Variants in ABTB3 observed in about 807,000 individuals in gnomAD.
ABTB3 encodes the protein ankyrin repeat and BTB domain containing 3.
At chr12:107,588,049 C>A in the ABTB3 span, among the ~76,000 whole-genome samples, 32 of 152,310 alleles carry the variant, frequency 2.1e-4, no homozygotes, top group Admixed American at 1.3e-3. Flanking sequence ...TGGCTGCAGG[C>A]ATTCCTTGGC....
At chr12:107,417,170 A>G in the ABTB3 span, among the ~76,000 whole-genome samples, 1 of 152,236 alleles carries the variant, frequency 6.6e-6, no homozygotes, top group Non-Finnish European at 1.5e-5. Flanking sequence ...ATCCAAGCGT[A>G]GGTACACTCA....
the ABTB3 span, among the ~76,000 whole-genome samples, chr12:107,359,783 T>C: frequency 6.6e-6 from 1 of 152,144 alleles, no homozygotes; most frequent in African/African-American, 2.4e-5. Flanking sequence ...GGACTTTAAG[T>C]AACTTGCCCA....
At chr12:107,578,285 T>C in the ABTB3 span, among the ~76,000 whole-genome samples, 357 of 151,170 alleles carry the variant, frequency 2.4e-3, 3 homozygotes, top group Non-Finnish European at 3.8e-3. Context: ...CAGGAGAGGC[T>C]GGAATCCTGA....
chr12:107,556,095 A>ATTT, the ABTB3 span, among the ~76,000 whole-genome samples: 1 of 139,522 alleles, frequency 7.2e-6, no homozygotes. Flanking sequence ...GTCAGCATCA[A>ATTT]TTTTTTTTTT....
At chr12:107,507,640 A>T in the ABTB3 span, among the ~76,000 whole-genome samples, 1 of 152,092 alleles carries the variant, frequency 6.6e-6, no homozygotes, top group Non-Finnish European at 1.5e-5. Context: ...TGCCCACCTC[A>T]TGGGAATTCC....
At chr12:107,414,899 A>G in the ABTB3 span, among the ~76,000 whole-genome samples, 8 of 151,806 alleles carry the variant, frequency 5.3e-5, no homozygotes, top group African/African-American at 1.7e-4. Flanking sequence ...TTTTTAGTAG[A>G]CACAGGATTT....
the ABTB3 span, among the ~76,000 whole-genome samples, chr12:107,626,343 C>CTTTTTTTTTTTTTTTTTTTTTT: frequency 4.1e-4 from 46 of 112,508 alleles, 1 homozygote; most frequent in African/African-American, 1.4e-3. Flanking sequence ...CTATCGTCAT[C>CTTTTTTTTTTTTTTTTTTTTTT]TTTTTTTTTT....
the ABTB3 span, among the ~76,000 whole-genome samples, chr12:107,587,305 T>A: frequency 6.6e-6 from 1 of 152,166 alleles, no homozygotes; most frequent in Non-Finnish European, 1.5e-5. Context: ...GCTGGCAGTG[T>A]GGACAGTGGG....
chr12:107,443,432 C>A, the ABTB3 span, among the ~76,000 whole-genome samples: 13 of 151,848 alleles, frequency 8.6e-5, no homozygotes, highest in African/African-American at 2.9e-4. Context: ...CTTTGTCCAC[C>A]AGACCTGAAA....
At chr12:107,394,668 C>T in the ABTB3 span, among the ~76,000 whole-genome samples, 39 of 152,294 alleles carry the variant, frequency 2.6e-4, no homozygotes, top group Admixed American at 8.5e-4. Flanking sequence ...GTTTCTTTCT[C>T]GGCAAGATAA....
the ABTB3 span, among the ~76,000 whole-genome samples, chr12:107,576,022 C>G: frequency 6.6e-6 from 1 of 152,212 alleles, no homozygotes; most frequent in East Asian, 1.9e-4. Flanking sequence ...TCCAATCAGT[C>G]TCTCTCCAAA....
At chr12:107,513,473 T>G in the ABTB3 span, among the ~76,000 whole-genome samples, 3 of 152,186 alleles carry the variant, frequency 2.0e-5, no homozygotes, top group Non-Finnish European at 2.9e-5. Context: ...TTTCCCCTGC[T>G]TGCACTCACT....
At chr12:107,482,555 T>A in the ABTB3 span, among the ~76,000 whole-genome samples, 2 of 152,084 alleles carry the variant, frequency 1.3e-5, no homozygotes, top group Non-Finnish European at 2.9e-5. Flanking sequence ...TTAAAAGCCA[T>A]TTACTGCCCT....
chr12:107,518,531 C>G, the ABTB3 span, among the ~76,000 whole-genome samples: 14 of 140,488 alleles, frequency 1.0e-4, no homozygotes, highest in Non-Finnish European at 1.8e-4. Context: ...CATGTTCTCA[C>G]TCATAGGTGG....
At chr12:107,599,461 G>C in the ABTB3 span, among the ~76,000 whole-genome samples, 1 of 152,156 alleles carries the variant, frequency 6.6e-6, no homozygotes, top group Non-Finnish European at 1.5e-5. Context: ...GTGGTGTCCT[G>C]AGTATCCAGA....
chr12:107,568,447 G>T, the ABTB3 span, among the ~76,000 whole-genome samples: 1 of 152,106 alleles, frequency 6.6e-6, no homozygotes, highest in Non-Finnish European at 1.5e-5. Flanking sequence ...CTGGAATTCT[G>T]GTCTGGAATT....
At chr12:107,411,471 C>A in the ABTB3 span, among the ~76,000 whole-genome samples, 24 of 152,274 alleles carry the variant, frequency 1.6e-4, no homozygotes, top group South Asian at 4.8e-3. Flanking sequence ...CCAATAAGTG[C>A]GGTGTCTGGC....
chr12:107,590,325 GGC>G, the ABTB3 span, among the ~76,000 whole-genome samples: 2 of 152,186 alleles, frequency 1.3e-5, no homozygotes, highest in African/African-American at 4.8e-5. Flanking sequence ...ACCTTTGGGG[GGC>G]ACTTGGCAAA....
At chr12:107,645,986 C>T in the ABTB3 span, among the ~76,000 whole-genome samples, 1 of 152,356 alleles carries the variant, frequency 6.6e-6, no homozygotes, top group African/African-American at 2.4e-5. Flanking sequence ...GCAGGAGGCT[C>T]CCAGGGGCCG....
Sources: gnomAD v4.1 joint callset for allele counts (sites outside exome capture counted in the v4.1 genomes callset) on GRCh38, gnomAD v4.1.1 for gene constraint, MANE v1.5 for transcripts, NCBI Gene and HGNC (gene_info 2026-07-23, HGNC 2026-07-21) for gene names.